The following SGIP1 variants were observed in gnomAD, a reference collection of about 807,000 sequenced individuals.
SGIP1 encodes the protein SH3-containing GRB2-like protein 3-interacting protein 1.
A neutral mutation model predicts 107.5 loss-of-function variants in SGIP1; 38 were observed. The ratio of observed to expected loss-of-function variants is 0.35; its 90% confidence interval spans 0.27 to 0.46. SGIP1 has a LOEUF of 0.46. Ranked by LOEUF, SGIP1 falls within the 20% of genes least tolerant of loss-of-function variation. The probability of loss-of-function intolerance (pLI) is 1.00; values close to 1 mark genes in which losing one functional copy is unlikely to be tolerated. For synonymous variants in SGIP1, 365 were observed against 366.1 expected (o/e 1.00, Z 0.03); for missense variants, 929 against 1,019.5 (o/e 0.91, Z 1.21).
intron 12 of SGIP1, among the ~76,000 whole-genome samples, chr1:66,676,207 G>A (rs1026482202): frequency 1.3e-4 from 20 of 152,158 alleles, no homozygotes; most frequent in African/African-American, 9.7e-5. Flanking sequence ...AAGGTCCTAC[G>A]GTCAGTGCAG....
At chr1:66,589,040 G>A (rs75437822) in intron 1 of SGIP1, among the ~76,000 whole-genome samples, 1,830 of 149,664 alleles carry the variant, frequency 0.012, 43 homozygotes, top group African/African-American at 0.043. Flanking sequence ...GTAAAACATG[G>A]GCCTGTTTTA....
chr1:66,692,173 A>G (rs894393697), intron 17 of SGIP1, among the ~76,000 whole-genome samples: 1 of 150,960 alleles, frequency 6.6e-6, no homozygotes, highest in Non-Finnish European at 1.5e-5. Flanking sequence ...AAAAAAAAAA[A>G]AGAGAGAGAG....
At chr1:66,720,522 A>G (rs997453689) in intron 19 of SGIP1, among the ~76,000 whole-genome samples, 2 of 152,092 alleles carry the variant, frequency 1.3e-5, no homozygotes, top group African/African-American at 4.8e-5. Context: ...AGGCCAGGAG[A>G]TCGAGACCAC....
chr1:66,701,667 A>C (rs12563682), intron 18 of SGIP1, among the ~76,000 whole-genome samples: 23,832 of 152,170 alleles, frequency 0.16, 2,032 homozygotes, highest in East Asian at 0.28. Flanking sequence ...TTACCTCTTC[A>C]TAATAAATTA....
intron 1 of SGIP1, among the ~76,000 whole-genome samples, chr1:66,577,975 T>C (rs2061312834): frequency 6.6e-6 from 1 of 152,230 alleles, no homozygotes; most frequent in African/African-American, 2.4e-5. Flanking sequence ...CTATGAATCA[T>C]TGCTCTATTA....
At position 66,677,082 on chromosome 1, in the gene SGIP1, CT is replaced by C; in HGVS notation, c.729del (p.Thr245LeufsTer23). On this transcript the variant is annotated frameshift_variant, in exon 13 of 25. Coordinates refer to ENST00000371037, the MANE Select transcript of SGIP1 (RefSeq NM_032291.4). LOFTEE classifies it high-confidence loss of function. The stretch of plus-strand genomic sequence containing the variant: ...ATGGAGTCGCCAAAGTTAACAAGGC[CT>C]TTTCCCACTGGAAGTAAGTTATGTG... The part of the protein sequence containing the change: ...PSMESPKLTR[P>X]FPTGTPPPLP... 1 of 1,613,680 alleles carries C rather than the reference CT, an allele frequency of 6.2e-7. No homozygotes were observed. The highest frequency in any genetic ancestry group is 8.5e-7 in the Non-Finnish European group (1 of 1,179,804).
intron 15 of SGIP1, among the ~76,000 whole-genome samples, chr1:66,683,797 G>A (rs12138478): frequency 4.4e-5 from 6 of 135,504 alleles, no homozygotes; most frequent in Admixed American, 8.2e-5. Context: ...CTCCGCCTCC[G>A]GGTTCAAGCA....
chr1:66,573,579 C>CA (rs958015402), intron 1 of SGIP1, among the ~76,000 whole-genome samples: 1 of 151,984 alleles, frequency 6.6e-6, no homozygotes, highest in Non-Finnish European at 1.5e-5. Context: ...TATGCAGCCA[C>CA]AAAAAAGAAA....
rs2094528584 is a variant in SGIP1 at position 66,744,596 on chromosome 1, T to C, written c.*1501T>C. On this transcript the variant is annotated 3_prime_UTR_variant, in exon 25 of 25. Coordinates refer to ENST00000371037, the MANE Select transcript of SGIP1 (RefSeq NM_032291.4). ...AAATTTCATTTTACACCCACTCAAA[T>C]TTAACAAAGAATCTTTAGCCCCTTT... 6.6e-6 allele frequency: 1 copy of C among 152,128 alleles called. No individual in the cohort carries two copies. Among genetic ancestry groups the C allele is most frequent in the Non-Finnish European group, 1.5e-5 (1 of 67,938 alleles). 9.4% of individuals were successfully genotyped at this position (152,128 alleles called of 1,614,324 possible).
intron 7 of SGIP1, among the ~76,000 whole-genome samples, chr1:66,652,734 A>G (rs1349815969): frequency 2.6e-5 from 4 of 151,508 alleles, no homozygotes; most frequent in African/African-American, 9.7e-5. Context: ...AAGGTTCAGC[A>G]CCCCATTGAG....
chr1:66,595,649 G>A (rs1368719817), intron 1 of SGIP1, among the ~76,000 whole-genome samples: 1 of 152,026 alleles, frequency 6.6e-6, no homozygotes, highest in Non-Finnish European at 1.5e-5. Flanking sequence ...CCATTTACTA[G>A]CTTTTCTGAC....
At chr1:66,540,597 G>A (rs1335234785) in intron 1 of SGIP1, among the ~76,000 whole-genome samples, 20 of 152,202 alleles carry the variant, frequency 1.3e-4, no homozygotes. Context: ...GAATGTAAAC[G>A]AGTGTAATGT....
chr1:66,685,037 A>G (rs1202585797), intron 15 of SGIP1, among the ~76,000 whole-genome samples: 1 of 152,222 alleles, frequency 6.6e-6, no homozygotes, highest in Non-Finnish European at 1.5e-5. Flanking sequence ...TTGCTGCTTA[A>G]TCTTTTATTG....
chr1:66,708,638 G>A lies in SGIP1; in HGVS notation c.1631-10656G>A, dbSNP rs537563153. ...TCTTCTGAGTCAAACATTTTAGGAA[G>A]TTAATTCAATTGGGCATTAATTTTG... On this transcript the variant is annotated intron_variant, in intron 18 of 24. Transcript: ENST00000371037. 1.6e-4 allele frequency among the ~76,000 whole-genome samples: 24 copies of A among 152,252 alleles called. 1 individual carries two copies. In the South Asian group the frequency reaches 5.0e-3, roughly 32 times the overall value.
At chr1:66,678,983 A>C (rs2086012079) in intron 13 of SGIP1, among the ~76,000 whole-genome samples, 1 of 152,210 alleles carries the variant, frequency 6.6e-6, no homozygotes, top group African/African-American at 2.4e-5. Context: ...CAGTTGAAAC[A>C]GTAATTCCAA....
chr1:66,660,519 A>C lies in SGIP1; in HGVS notation c.466A>C (p.Ser156Arg), dbSNP rs765467631. The stretch of plus-strand genomic sequence containing the variant: ...CCCATGCCTACGCTTTTAGAGGAAA[A>C]GTCCGGTAAGAAATAAGTCCTTCCC... ...IALSPSPVRK[S>R]PRRSPGAIKR... Residue 156 changes from serine (S) to arginine (R), a missense_variant, in exon 8 of 25, where the codon AGT (serine) becomes CGT (arginine). Physicochemically the swap from Ser to Arg is moderately radical, Grantham distance 110. Coordinates refer to ENST00000371037, the MANE Select transcript of SGIP1 (RefSeq NM_032291.4). 1.2e-6 allele frequency: 2 copies of C among 1,610,828 alleles called. No homozygotes were observed. Among genetic ancestry groups the C allele is most frequent in the South Asian group, 2.2e-5 (2 of 91,008 alleles).
intron 1 of SGIP1, among the ~76,000 whole-genome samples, chr1:66,570,021 A>G (rs749463127): frequency 6.6e-6 from 1 of 151,804 alleles, no homozygotes; most frequent in Non-Finnish European, 1.5e-5. Context: ...GAAGTTTATC[A>G]TATTCCTTAA....
intron 9 of SGIP1, among the ~76,000 whole-genome samples, chr1:66,668,064 A>T (rs865934008): frequency 6.6e-6 from 1 of 152,190 alleles, no homozygotes; most frequent in South Asian, 2.1e-4. Flanking sequence ...TTTCAAGTCA[A>T]TATTCCTAGG....
upstream of SGIP1, chr1:66,534,110 G>GTGC (rs1278430845): frequency 1.7e-6 from 1 of 586,308 alleles, no homozygotes; most frequent in Admixed American, 3.0e-5. Flanking sequence ...AGCGCAGGCG[G>GTGC]TGCAGCTCGG....
Sources: allele counts gnomAD v4.1 joint callset (sites outside exome capture counted in the v4.1 genomes callset), GRCh38; gene constraint gnomAD v4.1.1; transcripts MANE v1.5; gene names NCBI Gene and HGNC (gene_info 2026-07-23, HGNC 2026-07-21).